The following COA1 variants were observed in gnomAD, a reference collection of about 807,000 sequenced individuals.
COA1 encodes cytochrome c oxidase assembly factor 1 homolog.
Under a neutral mutation model 16.0 loss-of-function variants are expected in COA1, and 13 were observed. That is an observed-to-expected ratio of 0.81 (90% confidence interval 0.53 to 1.29). The LOEUF (loss-of-function observed/expected upper bound fraction) is 1.29, where lower values mean the gene tolerates loss of function less well. Among genes scored for constraint, COA1 ranks in the 50% most tolerant of loss-of-function variants. The probability of loss-of-function intolerance (pLI) is 0.00; values close to 1 mark genes in which losing one functional copy is unlikely to be tolerated. For synonymous variants in COA1, 65 were observed against 65.7 expected (o/e 0.99, Z 0.05); for missense variants, 179 against 177.0 (o/e 1.01, Z -0.06).
intron 1 of COA1, among the ~76,000 whole-genome samples, chr7:43,666,375 C>A: frequency 6.6e-6 from 1 of 152,152 alleles, no homozygotes; most frequent in Non-Finnish European, 1.5e-5. Context: ...AAAATGCATG[C>A]TACCTGGCCT....
intron 1 of COA1, among the ~76,000 whole-genome samples, chr7:43,707,518 A>T (rs932013694): frequency 6.6e-6 from 1 of 152,114 alleles, no homozygotes; most frequent in Admixed American, 6.6e-5. Context: ...CTTCTTTCCA[A>T]TCATTAACCC....
At chr7:43,624,009 A>C (rs1317512539) in intron 6 of COA1, 1 of 661,450 alleles carries the variant, frequency 1.5e-6, no homozygotes, top group Non-Finnish European at 2.2e-6. Flanking sequence ...CTTCTAAAAC[A>C]CCATAATGGA....
chr7:43,726,653 G>A (rs527902712), intron 1 of COA1, among the ~76,000 whole-genome samples: 143 of 152,222 alleles, frequency 9.4e-4, no homozygotes, highest in African/African-American at 3.2e-3. Flanking sequence ...GGCCTCCCAC[G>A]TAGTTGTTGG....
intron 6 of COA1, among the ~76,000 whole-genome samples, chr7:43,629,612 A>G (rs2153036700): frequency 6.6e-6 from 1 of 152,318 alleles, no homozygotes; most frequent in South Asian, 2.1e-4. Flanking sequence ...AACCAGAACT[A>G]TGTTATAAAT....
intron 1 of COA1, among the ~76,000 whole-genome samples, chr7:43,656,864 C>T (rs185611857): frequency 1.4e-3 from 209 of 149,800 alleles, no homozygotes; most frequent in African/African-American, 4.7e-3. Context: ...AGGGAGACCA[C>T]AGATCGCTTT....
rs1045447367 is a variant in COA1 at position 43,619,739 on chromosome 7, A to G, written c.*134-10244T>C. 4 of 1,612,522 alleles carry G rather than the reference A, an allele frequency of 2.5e-6. No homozygotes were observed. In the African/African-American group the frequency reaches 5.3e-5, roughly 22 times the overall value. On this transcript the variant is annotated intron_variant and NMD_transcript_variant, in intron 6 of 6. Transcript: ENST00000415076. The stretch of plus-strand genomic sequence containing the variant: ...GAATATGTGGGTAAGTATTCATAAA[A>G]GTAGTTTTGTTCTGGGGTCAGGCAT...
At chr7:43,610,539 C>T (rs191075322) in intron 6 of COA1, among the ~76,000 whole-genome samples, 179 of 150,530 alleles carry the variant, frequency 1.2e-3, no homozygotes, top group African/African-American at 3.3e-3. Context: ...TGGTGGCGCA[C>T]GCCTATAGTC....
intron 3 of COA1, 182 bp downstream of exon 3, chr7:43,647,353 G>A (rs2089633492): frequency 1.6e-6 from 1 of 607,130 alleles, no homozygotes; most frequent in South Asian, 2.0e-5. Flanking sequence ...CGTTGCTCCT[G>A]GAAAAACTGA....
At chr7:43,659,607 C>T (rs1038033311) in intron 1 of COA1, among the ~76,000 whole-genome samples, 1 of 151,994 alleles carries the variant, frequency 6.6e-6, no homozygotes, top group South Asian at 2.1e-4. Flanking sequence ...TAGAAAAAAA[C>T]ATTTATAAAA....
intron 1 of COA1, chr7:43,650,387 C>G (rs970344699): frequency 6.6e-6 from 1 of 151,996 alleles, no homozygotes; most frequent in South Asian, 2.1e-4. Context: ...AACAAAGATA[C>G]ATACTTTAGA....
intron 6 of COA1, among the ~76,000 whole-genome samples, chr7:43,630,678 TAC>T (rs1206515245): frequency 2.6e-5 from 4 of 152,208 alleles, no homozygotes; most frequent in African/African-American, 9.7e-5. Flanking sequence ...TCGCAATAGT[TAC>T]AGACTTACAG....
downstream of COA1, among the ~76,000 whole-genome samples, chr7:43,635,942 TTTAA>T (rs1262825997): frequency 2.6e-5 from 4 of 152,164 alleles, no homozygotes; most frequent in East Asian, 7.7e-4. Context: ...CGGCTTATTA[TTTAA>T]TAATAAAAGG....
At chr7:43,692,748 G>A (rs1369223327) in intron 1 of COA1, among the ~76,000 whole-genome samples, 1 of 151,986 alleles carries the variant, frequency 6.6e-6, no homozygotes, top group Non-Finnish European at 1.5e-5. Context: ...AGTATGACTA[G>A]GCAATTCACA....
At chr7:43,615,082 A>G (rs2083220938) in intron 6 of COA1, among the ~76,000 whole-genome samples, 1 of 152,242 alleles carries the variant, frequency 6.6e-6, no homozygotes, top group Non-Finnish European at 1.5e-5. Context: ...CAAAACATTC[A>G]ATTATGAATA....
chr7:43,687,578 A>T (rs1163329782), intron 1 of COA1, among the ~76,000 whole-genome samples: 1 of 152,200 alleles, frequency 6.6e-6, no homozygotes, highest in Non-Finnish European at 1.5e-5. Context: ...AAAAAAAGTA[A>T]ATGGAATTAA....
Position 43,616,599 on chromosome 7 carries a change from A to T in COA1, c.*134-7104T>A, listed in dbSNP as rs1430200411. On this transcript the variant is annotated intron_variant and NMD_transcript_variant, in intron 6 of 6. Transcript: ENST00000415076. ...TTGGATAGAAGGTAAGACCCTTTTT[A>T]AAAAGAGGGACCGTCTGGCCGGGCG... Among the ~76,000 whole-genome samples the T allele has an allele frequency of 5.9e-5, 9 of 152,242 alleles. No homozygotes were observed. In the South Asian group the frequency reaches 1.9e-3, roughly 32 times the overall value.
intron 1 of COA1, chr7:43,649,779 A>G (rs1439256144): frequency 1.3e-5 from 2 of 152,282 alleles, no homozygotes; most frequent in Admixed American, 1.3e-4. Flanking sequence ...GAAGTACTAT[A>G]AAGTATCTTG....
intron 1 of COA1, among the ~76,000 whole-genome samples, chr7:43,683,407 T>G (rs1584939881): frequency 6.6e-6 from 1 of 151,982 alleles, no homozygotes; most frequent in Admixed American, 6.6e-5. Flanking sequence ...CCGAGGCAGG[T>G]GGATCACGAG....
At chr7:43,645,652 T>C (rs1473040952) in intron 3 of COA1, 2 of 372,578 alleles carry the variant, frequency 5.4e-6, no homozygotes, top group African/African-American at 4.1e-5. Context: ...CCCTTTCTGC[T>C]TCACCTCATT....
Sources: allele counts gnomAD v4.1 joint callset (sites outside exome capture counted in the v4.1 genomes callset), GRCh38; gene constraint gnomAD v4.1.1; transcripts MANE v1.5; gene names NCBI Gene and HGNC (gene_info 2026-07-23, HGNC 2026-07-21).